Variants in LINGO2 observed in about 807,000 individuals in gnomAD.
LINGO2 encodes leucine rich repeat and Ig domain containing 2.
LINGO2 carries 14 observed loss-of-function variants against 30.6 expected under a neutral mutation model. That is an observed-to-expected ratio of 0.46 (90% confidence interval 0.30 to 0.72). LINGO2 has a LOEUF of 0.72. LINGO2 is among the 30% of genes least tolerant of loss of function. The pLI, the probability that LINGO2 is intolerant of heterozygous loss-of-function variation, is 0.07. For missense variants in LINGO2, 729 were observed against 751.7 expected (o/e 0.97, Z 0.35); for synonymous variants, 317 against 288.5 (o/e 1.10, Z -1.00).
intron 1 of LINGO2, among the ~76,000 whole-genome samples, chr9:28,507,833 A>C (rs1820215748): frequency 6.6e-6 from 1 of 152,108 alleles, no homozygotes; most frequent in African/African-American, 2.4e-5. Context: ...AATCAGGGCA[A>C]ATTAACTGCA....
chr9:28,983,298 C>A, the LINGO2 span, among the ~76,000 whole-genome samples: 3 of 140,234 alleles, frequency 2.1e-5, no homozygotes, highest in African/African-American at 5.3e-5. Flanking sequence ...TGTGGTGACC[C>A]ATTTATTATA....
At chr9:28,373,429 TA>T (rs1424077323) in intron 2 of LINGO2, among the ~76,000 whole-genome samples, 1 of 152,186 alleles carries the variant, frequency 6.6e-6, no homozygotes, top group African/African-American at 2.4e-5. Context: ...CTACATTCCT[TA>T]TGGAAATTGT....
the LINGO2 span, among the ~76,000 whole-genome samples, chr9:29,056,883 A>G: frequency 2.0e-5 from 3 of 152,136 alleles, no homozygotes; most frequent in Admixed American, 2.0e-4. Flanking sequence ...GCTTTGTGGA[A>G]GTTCAGCCAG....
At chr9:29,172,691 T>G in the LINGO2 span, among the ~76,000 whole-genome samples, 2 of 152,014 alleles carry the variant, frequency 1.3e-5, no homozygotes. Flanking sequence ...TTGACATCAA[T>G]GTGTTTTAAC....
chr9:28,097,759 A>G (rs1405894429), intron 4 of LINGO2, among the ~76,000 whole-genome samples: 2 of 151,536 alleles, frequency 1.3e-5, no homozygotes, highest in African/African-American at 4.8e-5. Context: ...TGGGTGCAGC[A>G]CACCCGCATG....
chr9:28,017,815 A>C (rs1418050574), intron 4 of LINGO2, among the ~76,000 whole-genome samples: 1 of 152,244 alleles, frequency 6.6e-6, no homozygotes, highest in Non-Finnish European at 1.5e-5. Flanking sequence ...TATTCCTATC[A>C]AACTACCAAT....
the LINGO2 span, among the ~76,000 whole-genome samples, chr9:29,100,002 T>G: frequency 6.6e-6 from 1 of 152,068 alleles, no homozygotes; most frequent in Non-Finnish European, 1.5e-5. Context: ...AGCAGAAGAC[T>G]CGATAAAGAA....
chr9:28,719,966 T>C, the LINGO2 span, among the ~76,000 whole-genome samples: 2 of 152,062 alleles, frequency 1.3e-5, no homozygotes, highest in Non-Finnish European at 2.9e-5. Flanking sequence ...CAAATCTTAG[T>C]GTTTCAACAT....
chr9:28,631,234 T>C (rs1826923097), intron 1 of LINGO2, among the ~76,000 whole-genome samples: 1 of 152,106 alleles, frequency 6.6e-6, no homozygotes, highest in African/African-American at 2.4e-5. Flanking sequence ...TATGTATACA[T>C]GTGCCATGTT....
chr9:28,351,040 G>A (rs1194225145), intron 3 of LINGO2, among the ~76,000 whole-genome samples: 1 of 152,056 alleles, frequency 6.6e-6, no homozygotes, highest in Non-Finnish European at 1.5e-5. Context: ...GCCCACAAGA[G>A]AAAGCAGGAA....
chr9:28,149,793 CA>C (rs1249398202), intron 4 of LINGO2, among the ~76,000 whole-genome samples: 5 of 150,230 alleles, frequency 3.3e-5, no homozygotes, highest in African/African-American at 9.8e-5. Flanking sequence ...GCCCGGCCTC[CA>C]TCCCATCTGG....
At chr9:28,702,455 T>A in the LINGO2 span, among the ~76,000 whole-genome samples, 6 of 151,984 alleles carry the variant, frequency 3.9e-5, no homozygotes, top group East Asian at 1.2e-3. Flanking sequence ...TTACCTGGAA[T>A]AAATCCCACT....
chr9:29,174,434 T>A, the LINGO2 span, among the ~76,000 whole-genome samples: 8 of 152,242 alleles, frequency 5.3e-5, no homozygotes, highest in African/African-American at 1.7e-4. Flanking sequence ...AACCTTCATG[T>A]TATGTCTATA....
chr9:28,669,338 C>T (rs1828927204), intron 1 of LINGO2, among the ~76,000 whole-genome samples: 1 of 151,956 alleles, frequency 6.6e-6, no homozygotes, highest in African/African-American at 2.4e-5. Flanking sequence ...TGTATTAGTG[C>T]TTCATTTCTT....
At chr9:28,495,628 T>C (rs1022320591) in intron 1 of LINGO2, among the ~76,000 whole-genome samples, 3 of 152,164 alleles carry the variant, frequency 2.0e-5, no homozygotes, top group Non-Finnish European at 4.4e-5. Flanking sequence ...AGGCTTGTAG[T>C]ATAGTTTGAA....
intron 2 of LINGO2, among the ~76,000 whole-genome samples, chr9:28,386,095 C>G (rs1249310143): frequency 1.3e-5 from 2 of 152,136 alleles, no homozygotes; most frequent in Non-Finnish European, 2.9e-5. Flanking sequence ...ACATCGATGA[C>G]TTATATCCCT....
chr9:28,626,858 CTTCA>C (rs1826705057), intron 1 of LINGO2, among the ~76,000 whole-genome samples: 1 of 150,842 alleles, frequency 6.6e-6, no homozygotes, highest in African/African-American at 2.4e-5. Context: ...TCCATTATCT[CTTCA>C]TTATTTTCAT....
At chr9:28,940,721 C>G in the LINGO2 span, among the ~76,000 whole-genome samples, 1 of 152,046 alleles carries the variant, frequency 6.6e-6, no homozygotes, top group African/African-American at 2.4e-5. Flanking sequence ...ACTAGTGACT[C>G]CCATAACTAT....
the LINGO2 span, among the ~76,000 whole-genome samples, chr9:28,915,109 C>T: frequency 5.3e-5 from 8 of 152,002 alleles, no homozygotes; most frequent in East Asian, 1.9e-4. Flanking sequence ...TCCAGGCTGG[C>T]GACAGAGCGA....
Sources: gnomAD v4.1 joint callset for allele counts (sites outside exome capture counted in the v4.1 genomes callset) on GRCh38, gnomAD v4.1.1 for gene constraint, MANE v1.5 for transcripts, NCBI Gene and HGNC (gene_info 2026-07-23, HGNC 2026-07-21) for gene names.